The following RALYL variants were observed in gnomAD, a reference collection of about 807,000 sequenced individuals.
RALYL encodes the protein RNA-binding Raly-like protein.
In RALYL, 29 loss-of-function variants were observed where a neutral mutation model predicts 35.1. The ratio of observed to expected loss-of-function variants is 0.83; its 90% CI spans 0.61 to 1.13. RALYL has a LOEUF of 1.13. Among genes scored for constraint, RALYL ranks in the 50% most tolerant of loss-of-function variants. The pLI is 0.00. For synonymous variants in RALYL, 120 were observed against 127.6 expected (o/e 0.94, Z 0.40); for missense variants, 359 against 360.4 (o/e 1.00, Z 0.03).
At chr8:84,744,781 C>T (rs1309315914) in intron 2 of RALYL, among the ~76,000 whole-genome samples, 2 of 151,668 alleles carry the variant, frequency 1.3e-5, no homozygotes, top group African/African-American at 2.4e-5. Context: ...GATCTAGTAC[C>T]GGTATCAGGA....
At chr8:84,354,750 C>T (rs1300723329) in intron 1 of RALYL, among the ~76,000 whole-genome samples, 1 of 150,282 alleles carries the variant, frequency 6.7e-6, no homozygotes, top group Non-Finnish European at 1.5e-5. Flanking sequence ...CCTTAGAAGA[C>T]AGGGGTAGCT....
In RALYL at chr8:84,288,790, TTAAG is replaced by T. The variant is rs531838498; in HGVS notation, c.-24+104370_-24+104373del. On this transcript the variant is annotated intron_variant, in intron 1 of 8. Coordinates refer to ENST00000521268, the MANE Select transcript of RALYL (RefSeq NM_173848.7). Reference sequence around the variant, plus strand: ...TTATTTGCTTTACAATATTTATACTTTAAGTAATTAGTATAATTAGATATTTAAA... The same window carrying T: ...TTATTTGCTTTACAATATTTATACTTTAATTAGTATAATTAGATATTTAAA... 2.8e-3 allele frequency among the ~76,000 whole-genome samples: 422 copies of T among 152,302 alleles called. 1 individual carries two copies. The highest frequency in any genetic ancestry group is 9.3e-3 in the African/African-American group (388 of 41,584).
chr8:84,457,396 G>A (rs1306595450), intron 1 of RALYL, among the ~76,000 whole-genome samples: 2 of 151,768 alleles, frequency 1.3e-5, no homozygotes, highest in African/African-American at 2.4e-5. Context: ...CATTGATAAC[G>A]TTCTCTATCC....
At chr8:84,735,137 A>G (rs566900174) in intron 2 of RALYL, among the ~76,000 whole-genome samples, 27 of 151,828 alleles carry the variant, frequency 1.8e-4, no homozygotes, top group African/African-American at 6.5e-4. Context: ...TTACCAACTT[A>G]GACACTTCTC....
At chr8:84,605,090 T>C (rs1237312123) in intron 2 of RALYL, among the ~76,000 whole-genome samples, 1 of 152,126 alleles carries the variant, frequency 6.6e-6, no homozygotes, top group African/African-American at 2.4e-5. Context: ...GTCTCAGAAA[T>C]TGATCTGAAT....
chr8:84,437,108 A>G (rs897732781), intron 1 of RALYL, among the ~76,000 whole-genome samples: 1 of 152,072 alleles, frequency 6.6e-6, no homozygotes, highest in African/African-American at 2.4e-5. Context: ...TTACTTGTAA[A>G]TGAGAACATG....
intron 2 of RALYL, among the ~76,000 whole-genome samples, chr8:84,688,912 G>A (rs902971679): frequency 3.0e-4 from 45 of 151,980 alleles, no homozygotes; most frequent in African/African-American, 8.9e-4. Flanking sequence ...AAGGGATGTC[G>A]AAAGAATTTC....
At chr8:84,902,260 C>T (rs1218766804) in intron 8 of RALYL, among the ~76,000 whole-genome samples, 1 of 152,078 alleles carries the variant, frequency 6.6e-6, no homozygotes, top group East Asian at 1.9e-4. Context: ...AGGCAGGTCA[C>T]ATGACCAGAG....
chr8:84,185,504 A>G (rs1349768235), intron 1 of RALYL, among the ~76,000 whole-genome samples: 1 of 152,162 alleles, frequency 6.6e-6, no homozygotes, highest in African/African-American at 2.4e-5. Context: ...TGGCAATAAA[A>G]AGCCTTTTCT....
At chr8:84,358,490 A>G (rs921686817) in intron 1 of RALYL, among the ~76,000 whole-genome samples, 3 of 152,018 alleles carry the variant, frequency 2.0e-5, no homozygotes, top group African/African-American at 7.2e-5. Flanking sequence ...GTTTCAGATA[A>G]GGGAATATAA....
chr8:84,332,723 C>G (rs1046481529), intron 1 of RALYL, among the ~76,000 whole-genome samples: 7 of 152,044 alleles, frequency 4.6e-5, no homozygotes, highest in Admixed American at 4.6e-4. Context: ...TTCCTAGTGA[C>G]CTTTACAAGA....
intron 2 of RALYL, among the ~76,000 whole-genome samples, chr8:84,697,504 T>C (rs1839378275): frequency 6.6e-6 from 1 of 152,078 alleles, no homozygotes; most frequent in Admixed American, 6.6e-5. Flanking sequence ...CTTAGATTAG[T>C]GCAAATATTA....
intron 3 of RALYL, among the ~76,000 whole-genome samples, chr8:84,787,850 C>T (rs1465343156): frequency 6.6e-6 from 1 of 152,130 alleles, no homozygotes; most frequent in East Asian, 1.9e-4. Flanking sequence ...ATATCCTTTG[C>T]CCACTTTTTG....
At chr8:84,483,902 A>G (rs1386113477) in intron 1 of RALYL, among the ~76,000 whole-genome samples, 3 of 152,114 alleles carry the variant, frequency 2.0e-5, no homozygotes, top group African/African-American at 7.2e-5. Flanking sequence ...TTCTGTTTTA[A>G]TATGTTTAGC....
chr8:84,280,006 CTT>C (rs1836231991), intron 1 of RALYL, among the ~76,000 whole-genome samples: 1 of 152,102 alleles, frequency 6.6e-6, no homozygotes, highest in African/African-American at 2.4e-5. Flanking sequence ...ACAGAATAAT[CTT>C]GAGTGGACAG....
chr8:84,635,343 T>C, intron 2 of RALYL, among the ~76,000 whole-genome samples: 1 of 126,046 alleles, frequency 7.9e-6, no homozygotes, highest in South Asian at 3.2e-4. Flanking sequence ...TTAAGTACTG[T>C]CTTCTATAGA....
chr8:84,854,817 AAG>A (rs1836646175), intron 5 of RALYL, among the ~76,000 whole-genome samples: 1 of 152,178 alleles, frequency 6.6e-6, no homozygotes, highest in African/African-American at 2.4e-5. Context: ...GCTGTAGAAA[AAG>A]AGCCTACCAG....
chr8:84,525,763 T>TA (rs1206132265), intron 1 of RALYL, among the ~76,000 whole-genome samples: 2 of 151,818 alleles, frequency 1.3e-5, no homozygotes, highest in Admixed American at 1.3e-4. Context: ...TTCAGTGATT[T>TA]AAAAAAAAGT....
At chr8:84,270,988 G>C (rs920884082) in intron 1 of RALYL, among the ~76,000 whole-genome samples, 5 of 151,784 alleles carry the variant, frequency 3.3e-5, no homozygotes, top group Non-Finnish European at 7.4e-5. Context: ...TTAAAACGTA[G>C]AGAATATTTG....
Sources: allele counts gnomAD v4.1 joint callset (sites outside exome capture counted in the v4.1 genomes callset), GRCh38; gene constraint gnomAD v4.1.1; transcripts MANE v1.5; gene names NCBI Gene and HGNC (gene_info 2026-07-23, HGNC 2026-07-21).